Variants in AK5 observed in about 807,000 individuals in gnomAD.
The protein encoded by AK5 is adenylate kinase 5.
In AK5, 27 loss-of-function variants were observed where a neutral mutation model predicts 69.5. That is an observed-to-expected ratio of 0.39 (90% CI 0.29 to 0.54). The LOEUF is 0.54. Ranked by LOEUF, AK5 falls within the 20% of genes least tolerant of loss-of-function variation. The pLI is 0.71. For synonymous variants in AK5, 260 were observed against 244.4 expected, an observed-to-expected ratio of 1.06 and a Z score of -0.60; for missense variants, 531 against 700.4, an observed-to-expected ratio of 0.76 and a Z score of 2.73.
chr1:77,379,435 T>G (rs368412696), intron 6 of AK5, among the ~76,000 whole-genome samples: 4 of 152,314 alleles, frequency 2.6e-5, no homozygotes, highest in Non-Finnish European at 4.4e-5. Context: ...TCCCATAGAT[T>G]AGCGTCAGAG....
intron 6 of AK5, among the ~76,000 whole-genome samples, chr1:77,350,712 A>C (rs1662148591): frequency 6.6e-6 from 1 of 152,218 alleles, no homozygotes; most frequent in African/African-American, 2.4e-5. Flanking sequence ...AATCACCTGC[A>C]TCATAGGCGT....
At chr1:77,492,372 A>G (rs1269213637) in intron 10 of AK5, among the ~76,000 whole-genome samples, 1 of 152,230 alleles carries the variant, frequency 6.6e-6, no homozygotes, top group Non-Finnish European at 1.5e-5. Flanking sequence ...GCTGCCGTGC[A>G]CCACAGGTTT....
At chr1:77,416,382 C>T (rs1447197006) in intron 7 of AK5, among the ~76,000 whole-genome samples, 1 of 152,152 alleles carries the variant, frequency 6.6e-6, no homozygotes, top group East Asian at 1.9e-4. Context: ...CAGGGTTGTT[C>T]TGAACACACT....
At chr1:77,467,200 A>G (rs1654196646) in intron 8 of AK5, among the ~76,000 whole-genome samples, 1 of 152,228 alleles carries the variant, frequency 6.6e-6, no homozygotes, top group Admixed American at 6.5e-5. Flanking sequence ...GGGTCAAGGT[A>G]TCAGCTCTCT....
chr1:77,406,886 C>G (rs1310663982), intron 6 of AK5, among the ~76,000 whole-genome samples: 3 of 152,064 alleles, frequency 2.0e-5, no homozygotes, highest in African/African-American at 7.2e-5. Flanking sequence ...TCCAACCTAA[C>G]AAATCTTAAA....
intron 6 of AK5, among the ~76,000 whole-genome samples, chr1:77,370,836 T>A (rs1453691105): frequency 6.6e-6 from 1 of 152,196 alleles, no homozygotes; most frequent in Non-Finnish European, 1.5e-5. Flanking sequence ...CCATCCCAGC[T>A]GCACATAGCT....
chr1:77,288,549 G>A (rs1658492628), intron 2 of AK5, among the ~76,000 whole-genome samples: 1 of 152,012 alleles, frequency 6.6e-6, no homozygotes, highest in Non-Finnish European at 1.5e-5. Flanking sequence ...AAAAGCCATA[G>A]TGTGCTAATT....
At chr1:77,407,752 T>C (rs1186014421) in intron 6 of AK5, among the ~76,000 whole-genome samples, 1 of 152,136 alleles carries the variant, frequency 6.6e-6, no homozygotes, top group African/African-American at 2.4e-5. Flanking sequence ...CAGTACCCAA[T>C]AGATAGTTTT....
intron 8 of AK5, among the ~76,000 whole-genome samples, chr1:77,463,495 A>G: frequency 6.6e-6 from 1 of 152,268 alleles, no homozygotes; most frequent in East Asian, 1.9e-4. Flanking sequence ...CAGGCAATTT[A>G]AAAACATTCC....
intron 10 of AK5, among the ~76,000 whole-genome samples, chr1:77,501,846 G>A (rs1656740366): frequency 6.6e-6 from 1 of 152,150 alleles, no homozygotes; most frequent in Admixed American, 6.5e-5. Flanking sequence ...ATCAGCCCCA[G>A]CACTGCACAA....
At chr1:77,421,535 A>G (rs899480182) in intron 8 of AK5, among the ~76,000 whole-genome samples, 6 of 152,212 alleles carry the variant, frequency 3.9e-5, no homozygotes, top group Non-Finnish European at 8.8e-5. Context: ...CTTGAGGAAG[A>G]TGCACCTGCA....
At chr1:77,543,763 G>T (rs59814571) in intron 13 of AK5, among the ~76,000 whole-genome samples, 3 of 152,126 alleles carry the variant, frequency 2.0e-5, no homozygotes, top group Admixed American at 6.5e-5. Flanking sequence ...GAGTATTTTC[G>T]TAGGAAGCTG....
At chr1:77,522,051 T>A (rs1251844628) in intron 12 of AK5, 108 bp downstream of exon 12, 1 of 856,874 alleles carries the variant, frequency 1.2e-6, no homozygotes, top group Non-Finnish European at 1.8e-6. Flanking sequence ...ATGAAAACTT[T>A]AAGGGGCAGA....
In AK5 at chr1:77,521,939, G is replaced by A. The variant is rs769633875; in HGVS notation, c.1424G>A (p.Arg475His). 15 of 1,603,898 alleles carry A rather than the reference G, an allele frequency of 9.4e-6. No individual in the cohort carries two copies. In the Admixed American group the frequency reaches 1.9e-4, roughly 20 times the overall value. ...GTGAAGCAAGGGGAAGAGTTCGGAC[G>A]CAGGGTGAGTGGTTGTTACGGGCAT... ...REVKQGEEFG[R>H]RIGDPQLVIC... is the part of the protein sequence containing the mutation. Residue 475 changes from arginine (R) to histidine (H), a missense_variant, in exon 12 of 14, where the codon CGC becomes CAC. Arg to His is a conservative substitution (Grantham distance 29). Transcript: ENST00000354567.
chr1:77,535,013 T>C (rs757339325), intron 12 of AK5, among the ~76,000 whole-genome samples: 17 of 151,870 alleles, frequency 1.1e-4, no homozygotes, highest in Non-Finnish European at 1.6e-4. Flanking sequence ...TCTAAAACAG[T>C]TGGGGGCTGG....
intron 8 of AK5, among the ~76,000 whole-genome samples, chr1:77,476,860 A>T (rs1406714718): frequency 3.9e-5 from 6 of 151,950 alleles, no homozygotes; most frequent in African/African-American, 1.5e-4. Context: ...AGTTCCAGTA[A>T]TCATTTTCTA....
intron 1 of AK5, chr1:77,283,337 C>A (rs1332661356): frequency 2.0e-6 from 2 of 985,254 alleles, no homozygotes; most frequent in Non-Finnish European, 2.4e-6. Flanking sequence ...GCTTCCTAAG[C>A]GAGCTCTGAA....
chr1:77,337,196 A>G (rs973490569), intron 5 of AK5, among the ~76,000 whole-genome samples: 1 of 152,210 alleles, frequency 6.6e-6, no homozygotes, highest in Admixed American at 6.5e-5. Context: ...GTGTTTCAAA[A>G]GCCAATACCT....
chr1:77,514,039 G>A (rs1246071577), intron 10 of AK5, among the ~76,000 whole-genome samples: 1 of 152,168 alleles, frequency 6.6e-6, no homozygotes, highest in East Asian at 1.9e-4. Context: ...GACCTGTAGG[G>A]AAATGACTTA....
Sources: gnomAD v4.1 joint callset for allele counts (sites outside exome capture counted in the v4.1 genomes callset) on GRCh38, gnomAD v4.1.1 for gene constraint, MANE v1.5 for transcripts, NCBI Gene and HGNC (gene_info 2026-07-23, HGNC 2026-07-21) for gene names.